RASGRF2: variants seen among roughly 807,000 people sequenced by gnomAD.
RASGRF2 encodes the protein Ras protein specific guanine nucleotide releasing factor 2.
A neutral mutation model predicts 151.0 loss-of-function variants in RASGRF2; 76 were observed. The observed-to-expected ratio is 0.50, with a 90% CI of 0.42 to 0.61. RASGRF2 has a LOEUF of 0.61. RASGRF2 is among the 20% of genes least tolerant of loss of function. The pLI is 0.00. For synonymous variants in RASGRF2, 504 were observed against 566.5 expected, an observed-to-expected ratio of 0.89 and a Z score of 1.57; for missense variants, 1,148 against 1,564.6, an observed-to-expected ratio of 0.73 and a Z score of 4.49.
intron 1 of RASGRF2, among the ~76,000 whole-genome samples, chr5:81,003,521 C>T (rs1749164518): frequency 6.6e-6 from 1 of 152,154 alleles, no homozygotes; most frequent in African/African-American, 2.4e-5. Context: ...CTGCGCCCGG[C>T]ATGCTAATTT....
chr5:81,209,381 C>T (rs377445965), intron 22 of RASGRF2, among the ~76,000 whole-genome samples: 29 of 152,082 alleles, frequency 1.9e-4, no homozygotes, highest in Non-Finnish European at 2.6e-4. Context: ...ATCCAGGCAA[C>T]GGGAAGCCTC....
intron 17 of RASGRF2, among the ~76,000 whole-genome samples, chr5:81,134,628 A>G (rs1039216355): frequency 1.3e-5 from 2 of 152,212 alleles, no homozygotes; most frequent in African/African-American, 4.8e-5. Flanking sequence ...GATACATACT[A>G]AAGTTTGAGA....
chr5:81,172,752 C>G (rs1330727923), intron 17 of RASGRF2, among the ~76,000 whole-genome samples: 2 of 152,090 alleles, frequency 1.3e-5, no homozygotes, highest in Non-Finnish European at 2.9e-5. Context: ...GCCTATGATG[C>G]AGTTTATGTC....
intron 18 of RASGRF2, among the ~76,000 whole-genome samples, chr5:81,196,629 T>G (rs1489369519): frequency 2.1e-5 from 1 of 48,244 alleles, no homozygotes; most frequent in South Asian, 8.9e-4. Context: ...CACTCCCCCC[T>G]CCCCCGTTGA....
intron 26 of RASGRF2, among the ~76,000 whole-genome samples, chr5:81,224,816 T>C (rs888695846): frequency 6.6e-6 from 1 of 152,200 alleles, no homozygotes; most frequent in African/African-American, 2.4e-5. Context: ...CCCATCGATA[T>C]GAGGTTCCAA....
chr5:81,037,636 C>G (rs1451761638), intron 1 of RASGRF2, among the ~76,000 whole-genome samples: 2 of 151,836 alleles, frequency 1.3e-5, no homozygotes, highest in African/African-American at 2.4e-5. Context: ...ATAAAAAGAT[C>G]AATACAAAAT....
At chr5:80,980,556 A>G (rs1331335978) in intron 1 of RASGRF2, among the ~76,000 whole-genome samples, 3 of 152,164 alleles carry the variant, frequency 2.0e-5, no homozygotes, top group African/African-American at 7.2e-5. Context: ...GCAAGAGAAT[A>G]GCTTGAATCC....
At chr5:81,129,742 C>G (rs924570560) in intron 17 of RASGRF2, among the ~76,000 whole-genome samples, 3 of 152,280 alleles carry the variant, frequency 2.0e-5, no homozygotes, top group African/African-American at 4.8e-5. Context: ...GAGTTATTGT[C>G]GATTGTGATT....
At position 81,117,652 on chromosome 5, in the gene RASGRF2, A is replaced by G. The variant is rs188252389; in HGVS notation, c.2470+3732A>G. ...TGTAAAATATATTCATTCCATCCCA[A>G]TAGCCCCCAAAGTCTTAACTTGTTT... On this transcript the variant is annotated intron_variant, in intron 15 of 26. Coordinates refer to ENST00000265080, the MANE Select transcript of RASGRF2 (RefSeq NM_006909.3). Among the ~76,000 whole-genome samples the G allele has an allele frequency of 5.0e-3, 764 of 152,284 alleles. 4 individuals are homozygous for G. The highest frequency in any genetic ancestry group is 8.0e-3 in the Non-Finnish European group (545 of 68,018).
intron 18 of RASGRF2, among the ~76,000 whole-genome samples, chr5:81,197,380 C>T (rs1755288811): frequency 7.6e-6 from 1 of 131,338 alleles, no homozygotes; most frequent in African/African-American, 2.9e-5. Flanking sequence ...GGCGTGAACC[C>T]GGGAAGCGGA....
At chr5:81,015,229 G>A (rs1011079438) in intron 1 of RASGRF2, among the ~76,000 whole-genome samples, 4 of 152,046 alleles carry the variant, frequency 2.6e-5, no homozygotes, top group African/African-American at 4.8e-5. Context: ...ATAAACATAC[G>A]TGTGCATGTG....
intron 1 of RASGRF2, among the ~76,000 whole-genome samples, chr5:81,037,021 G>A (rs1480962532): frequency 1.3e-5 from 2 of 152,130 alleles, no homozygotes; most frequent in African/African-American, 4.8e-5. Context: ...GAAGATGAAG[G>A]AAGAGCAAAG....
Position 80,986,460 on chromosome 5 carries a change from C to G in RASGRF2, c.288+25434C>G, listed in dbSNP as rs10064384. Among the ~76,000 whole-genome samples, 1,160 of 152,284 alleles carry G rather than the reference C, an allele frequency of 7.6e-3. 14 individuals are homozygous for G. Among genetic ancestry groups the G allele is most frequent in the African/African-American group, 0.027 (1,130 of 41,574 alleles). ...CTGTATCTTATTTGCTTTTGCATTT[C>G]TAACTACCAGTACAGGTATGTAGTT... On this transcript the variant is annotated intron_variant, in intron 1 of 26. Coordinates refer to ENST00000265080, the MANE Select transcript of RASGRF2 (RefSeq NM_006909.3).
intron 9 of RASGRF2, among the ~76,000 whole-genome samples, chr5:81,092,165 T>A (rs1580304376): frequency 6.6e-6 from 1 of 152,334 alleles, no homozygotes; most frequent in East Asian, 1.9e-4. Context: ...ATACTGGGTA[T>A]AGATTTTATG....
intron 2 of RASGRF2, among the ~76,000 whole-genome samples, chr5:81,049,024 C>G (rs1268908845): frequency 6.6e-6 from 1 of 152,036 alleles, no homozygotes; most frequent in Non-Finnish European, 1.5e-5. Context: ...GGTTTTGTCC[C>G]TACTCTACTA....
chr5:81,201,535 G>A (rs2112714619), intron 19 of RASGRF2, 93 bp downstream of exon 19: 1 of 1,317,750 alleles, frequency 7.6e-7, no homozygotes, highest in Non-Finnish European at 1.1e-6. Context: ...GAATCCTGGG[G>A]ACAGTGGGGA....
chr5:81,189,307 C>T (rs766275197), intron 18 of RASGRF2, among the ~76,000 whole-genome samples: 4 of 152,130 alleles, frequency 2.6e-5, no homozygotes, highest in Non-Finnish European at 5.9e-5. Flanking sequence ...CAGAGTGCCA[C>T]GAGGCTCCTG....
intron 1 of RASGRF2, among the ~76,000 whole-genome samples, chr5:80,969,742 C>T (rs192316026): frequency 1.6e-3 from 242 of 151,150 alleles, no homozygotes; most frequent in Non-Finnish European, 2.6e-3. Context: ...TGAGCCACTG[C>T]GCCTGGCTAA....
intron 1 of RASGRF2, among the ~76,000 whole-genome samples, chr5:80,993,450 T>C (rs1748719480): frequency 6.6e-6 from 1 of 152,202 alleles, no homozygotes; most frequent in South Asian, 2.1e-4. Flanking sequence ...ATCACTCCGT[T>C]TCCTAATTTA....
Sources: gnomAD v4.1 joint callset for allele counts (sites outside exome capture counted in the v4.1 genomes callset) on GRCh38, gnomAD v4.1.1 for gene constraint, MANE v1.5 for transcripts, NCBI Gene and HGNC (gene_info 2026-07-23, HGNC 2026-07-21) for gene names.